Variants in SHTN1 observed in about 807,000 individuals in gnomAD.
SHTN1 encodes the protein shootin 1, also known as shootin-1.
SHTN1 carries 42 observed loss-of-function variants against 83.1 expected under a neutral mutation model. The observed-to-expected ratio is 0.51, with a 90% confidence interval of 0.39 to 0.65. SHTN1 has a LOEUF of 0.65. SHTN1 is among the 30% of genes least tolerant of loss of function. SHTN1 has a pLI of 0.00. For synonymous variants in SHTN1, 224 were observed against 247.7 expected, an observed-to-expected ratio of 0.90 and a Z score of 0.90; for missense variants, 622 against 737.8, an observed-to-expected ratio of 0.84 and a Z score of 1.82.
intron 1 of SHTN1, 57 bp from the exon 2 acceptor site, chr10:116,979,365 A>C (rs1850932995): frequency 6.9e-7 from 1 of 1,439,880 alleles, no homozygotes. Flanking sequence ...CTGCAGGGCA[A>C]CCTGGGGAAT....
chr10:116,946,472 TAA>T (rs1300134655), intron 7 of SHTN1, among the ~76,000 whole-genome samples: 1 of 145,396 alleles, frequency 6.9e-6, no homozygotes, highest in Non-Finnish European at 1.5e-5. Context: ...TACATATGTA[TAA>T]AATGTAAATA....
At chr10:117,041,957 G>C (rs577488861) in intron 2 of SHTN1, among the ~76,000 whole-genome samples, 18 of 152,234 alleles carry the variant, frequency 1.2e-4, no homozygotes, top group Admixed American at 2.6e-4. Flanking sequence ...TAAATGATAT[G>C]TTCTCATTCA....
intron 16 of SHTN1, among the ~76,000 whole-genome samples, chr10:116,898,317 C>T (rs1216676248): frequency 6.7e-6 from 1 of 150,274 alleles, no homozygotes; most frequent in African/African-American, 2.4e-5. Flanking sequence ...GACAGCAAGA[C>T]TACATCTAAA....
At chr10:117,059,496 T>C (rs1401081822) in intron 1 of SHTN1, among the ~76,000 whole-genome samples, 1 of 152,198 alleles carries the variant, frequency 6.6e-6, no homozygotes, top group Non-Finnish European at 1.5e-5. Flanking sequence ...AGTGAATCGC[T>C]AAGTACACTG....
intron 2 of SHTN1, among the ~76,000 whole-genome samples, chr10:117,020,163 T>C (rs1256055369): frequency 1.3e-5 from 2 of 152,172 alleles, no homozygotes; most frequent in African/African-American, 2.4e-5. Context: ...CTGTCTGGAA[T>C]TGGCATAAGA....
intron 1 of SHTN1, among the ~76,000 whole-genome samples, chr10:117,092,090 A>G (rs1467340424): frequency 6.6e-6 from 1 of 152,226 alleles, no homozygotes; most frequent in East Asian, 1.9e-4. Context: ...CCCAGATGTG[A>G]CACCAAAGCC....
chr10:116,885,679 C>G lies in SHTN1; in HGVS notation c.*665G>C, dbSNP rs1847143651. 6.6e-6 allele frequency: 1 copy of G among 152,342 alleles called. No individual in the cohort carries two copies. The highest frequency in any genetic ancestry group is 1.9e-4 in the East Asian group (1 of 5,200). The allele number at this position is 152,342 out of a possible 1,614,324, so 9.4% of individuals were successfully genotyped here. A position where few individuals can be genotyped will look rare whatever the true frequency, so the allele number is the denominator to read the frequency against. On this transcript the variant is annotated 3_prime_UTR_variant, in exon 17 of 17. Transcript: ENST00000355371. ...TGGACTTTCACCTCAGTTCTGTATT[C>G]AGGCTACCAGAGCATCCCCACGGAG...
At chr10:116,965,635 C>CATTA (rs1294814972) in intron 3 of SHTN1, among the ~76,000 whole-genome samples, 2 of 152,150 alleles carry the variant, frequency 1.3e-5, no homozygotes, top group African/African-American at 4.8e-5. Context: ...AGAACTAACT[C>CATTA]CCTAAAGGTA....
intron 1 of SHTN1, among the ~76,000 whole-genome samples, chr10:116,983,680 ATAGATAAATACATACATAC>A (rs1564913688): frequency 3.1e-4 from 16 of 50,814 alleles, no homozygotes; most frequent in South Asian, 1.6e-3. Context: ...AGATAGATAG[ATAGATAAATACATACATAC>A]ATACATACAT....
intron 1 of SHTN1, among the ~76,000 whole-genome samples, chr10:117,115,778 A>T (rs894662522): frequency 6.6e-6 from 1 of 152,234 alleles, no homozygotes; most frequent in Non-Finnish European, 1.5e-5. Context: ...AGCTCACTAT[A>T]CTGAGCTTTT....
At chr10:116,924,277 T>C (rs1442353305) in intron 11 of SHTN1, among the ~76,000 whole-genome samples, 2 of 152,176 alleles carry the variant, frequency 1.3e-5, no homozygotes, top group African/African-American at 2.4e-5. Flanking sequence ...ACTAATCAGA[T>C]GCCTCACCTT....
At chr10:117,045,153 A>G (rs1852642831) in intron 2 of SHTN1, among the ~76,000 whole-genome samples, 1 of 152,184 alleles carries the variant, frequency 6.6e-6, no homozygotes, top group Non-Finnish European at 1.5e-5. Flanking sequence ...ATTTATGGAG[A>G]ATAATCTGGA....
At chr10:117,010,830 T>A (rs1852092752) in intron 2 of SHTN1, among the ~76,000 whole-genome samples, 1 of 152,134 alleles carries the variant, frequency 6.6e-6, no homozygotes, top group Non-Finnish European at 1.5e-5. Flanking sequence ...AACCAGGTGA[T>A]CATCTCAATT....
intron 10 of SHTN1, among the ~76,000 whole-genome samples, chr10:116,929,630 A>G (rs943385214): frequency 3.9e-5 from 6 of 152,186 alleles, no homozygotes; most frequent in African/African-American, 1.4e-4. Flanking sequence ...CAAGGGCTCT[A>G]AGTCCAAAAA....
At chr10:117,085,600 G>T (rs561921193) in intron 1 of SHTN1, among the ~76,000 whole-genome samples, 1 of 152,146 alleles carries the variant, frequency 6.6e-6, no homozygotes, top group Admixed American at 6.6e-5. Flanking sequence ...TTCTTCTGTC[G>T]TTGAAGTATT....
chr10:117,047,104 G>A (rs993551003), intron 2 of SHTN1, among the ~76,000 whole-genome samples: 3 of 151,830 alleles, frequency 2.0e-5, no homozygotes, highest in Admixed American at 6.6e-5. Context: ...TCACTCTGTC[G>A]CCCAGGCTGG....
chr10:116,884,490 G>T lies in SHTN1; in HGVS notation c.*1854C>A. On this transcript the variant is annotated 3_prime_UTR_variant, in exon 17 of 17. Coordinates refer to ENST00000355371, the MANE Select transcript of SHTN1 (RefSeq NM_001127211.3). The stretch of plus-strand genomic sequence containing the variant: ...TCCAGCTAACACATTTCACCCAAAG[G>T]GCAACTTCTTACTCTAGAAAGGAGG... 3.0e-6 allele frequency: 1 copy of T among 330,526 alleles called. No individual in the cohort carries two copies. 20.5% of individuals were successfully genotyped at this position (330,526 alleles called of 1,614,324 possible).
intron 1 of SHTN1, among the ~76,000 whole-genome samples, chr10:116,988,325 C>T (rs551015616): frequency 6.6e-6 from 1 of 151,834 alleles, no homozygotes; most frequent in East Asian, 1.9e-4. Flanking sequence ...CACACACACA[C>T]ACAATCAATC....
At chr10:116,960,706 C>A (rs1430571657) in intron 3 of SHTN1, among the ~76,000 whole-genome samples, 1 of 151,982 alleles carries the variant, frequency 6.6e-6, no homozygotes, top group Non-Finnish European at 1.5e-5. Flanking sequence ...AGTGATGTGG[C>A]GACTTGGCTA....
Sources: gnomAD v4.1 joint callset for allele counts (sites outside exome capture counted in the v4.1 genomes callset) on GRCh38, gnomAD v4.1.1 for gene constraint, MANE v1.5 for transcripts, NCBI Gene and HGNC (gene_info 2026-07-23, HGNC 2026-07-21) for gene names.